The following ATXN1 variants were observed in gnomAD, a reference collection of about 807,000 sequenced individuals.
ATXN1 encodes ataxin-1.
ATXN1 carries 8 observed loss-of-function variants against 56.4 expected under a neutral mutation model. That is an observed-to-expected ratio of 0.14 (90% CI 0.08 to 0.26). ATXN1 has a LOEUF of 0.26. ATXN1 is among the 10% of genes least tolerant of loss of function. The probability of loss-of-function intolerance (pLI) is 1.00; values close to 1 mark genes in which losing one functional copy is unlikely to be tolerated. For synonymous variants in ATXN1, 514 were observed against 494.6 expected (o/e 1.04, Z -0.52); for missense variants, 987 against 1,106.5 (o/e 0.89, Z 1.53).
intron 6 of ATXN1, among the ~76,000 whole-genome samples, chr6:16,414,209 C>T (rs1355668421): frequency 1.3e-5 from 2 of 152,224 alleles, no homozygotes; most frequent in Non-Finnish European, 1.5e-5. Context: ...CGGATTTCTG[C>T]TCTTCCCTAT....
intron 6 of ATXN1, among the ~76,000 whole-genome samples, chr6:16,447,134 G>C (rs1759652300): frequency 6.6e-6 from 1 of 152,092 alleles, no homozygotes; most frequent in Non-Finnish European, 1.5e-5. Flanking sequence ...CAGTTTCCCT[G>C]GAAAGTAAAT....
chr6:16,566,576 G>A lies in ATXN1; in HGVS notation c.-361+19204C>T, dbSNP rs749208075. Among the ~76,000 whole-genome samples, 60 of 152,160 alleles carry A rather than the reference G, an allele frequency of 3.9e-4. No individual in the cohort carries two copies. The Middle Eastern group carries it at 0.01, about 26-fold the overall frequency. ...AAACAAACAAACAAACAAACAGGCT[G>A]GGCGCGGTGGCTCACGACTGTAATC... On this transcript the variant is annotated intron_variant, in intron 4 of 7. Coordinates refer to ENST00000436367, the MANE Select transcript of ATXN1 (RefSeq NM_001128164.2).
intron 3 of ATXN1, among the ~76,000 whole-genome samples, chr6:16,589,023 C>T (rs370098867): frequency 6.6e-6 from 1 of 152,086 alleles, no homozygotes; most frequent in African/African-American, 2.4e-5. Context: ...CCCTGTAGCT[C>T]CCTGACCCCA....
chr6:16,752,195 G>A (rs1248350259), intron 2 of ATXN1, among the ~76,000 whole-genome samples: 1 of 152,134 alleles, frequency 6.6e-6, no homozygotes, highest in African/African-American at 2.4e-5. Context: ...TCTACCTCTT[G>A]AAAAATGAGT....
intron 4 of ATXN1, among the ~76,000 whole-genome samples, chr6:16,538,363 CCAACATACAAAGAGCTGACTGTTATT>C (rs1246884216): frequency 3.3e-5 from 5 of 152,128 alleles, no homozygotes; most frequent in African/African-American, 7.2e-5. Flanking sequence ...CTTTTATTGA[CCAACATACAAAGAGCTGACTGTTATT>C]CAATGATTCC....
intron 2 of ATXN1, among the ~76,000 whole-genome samples, chr6:16,701,387 G>A (rs959322249): frequency 2.6e-5 from 4 of 152,146 alleles, no homozygotes; most frequent in Non-Finnish European, 5.9e-5. Flanking sequence ...GCAGAGAAGG[G>A]GAGAAGGAGT....
At chr6:16,552,507 T>C (rs1047519659) in intron 4 of ATXN1, among the ~76,000 whole-genome samples, 2 of 152,218 alleles carry the variant, frequency 1.3e-5, no homozygotes, top group African/African-American at 2.4e-5. Flanking sequence ...TTGAATAAGG[T>C]GTAATTTATC....
intron 4 of ATXN1, among the ~76,000 whole-genome samples, chr6:16,584,247 C>T (rs199857108): frequency 0.38 from 33,991 of 90,236 alleles, 6,547 homozygotes; most frequent in East Asian, 0.56. Flanking sequence ...TATATATACA[C>T]ACACACACAC....
intron 2 of ATXN1, among the ~76,000 whole-genome samples, chr6:16,752,063 T>C (rs899701969): frequency 7.2e-5 from 11 of 152,232 alleles, no homozygotes; most frequent in Admixed American, 3.9e-4. Context: ...TGCTCTTATC[T>C]AAGATGCCAG....
chr6:16,429,113 C>T (rs1283505636), intron 6 of ATXN1, among the ~76,000 whole-genome samples: 1 of 151,988 alleles, frequency 6.6e-6, no homozygotes, highest in African/African-American at 2.4e-5. Flanking sequence ...CTGTTCCCTC[C>T]TCACTAGGTG....
At chr6:16,368,343 C>CTTCTTTTTTTTTTTTTTTTTTTTT (rs1354007963) in intron 6 of ATXN1, among the ~76,000 whole-genome samples, 2 of 75,872 alleles carry the variant, frequency 2.6e-5, no homozygotes, top group African/African-American at 7.7e-5. Flanking sequence ...ACTTCTTCTT[C>CTTCTTTTTTTTTTTTTTTTTTTTT]TTTTTTTTTT....
chr6:16,368,343 CTTTTTTTT>C (rs10527935), intron 6 of ATXN1, among the ~76,000 whole-genome samples: 1 of 75,870 alleles, frequency 1.3e-5, no homozygotes, highest in Non-Finnish European at 2.8e-5. Flanking sequence ...ACTTCTTCTT[CTTTTTTTT>C]TTTTTTTTTT....
intron 7 of ATXN1, among the ~76,000 whole-genome samples, chr6:16,319,793 A>T (rs758324022): frequency 1.3e-5 from 2 of 152,164 alleles, no homozygotes; most frequent in Non-Finnish European, 2.9e-5. Flanking sequence ...GAATCAAAAC[A>T]TATAAGATGA....
intron 2 of ATXN1, among the ~76,000 whole-genome samples, chr6:16,693,679 TG>T (rs929196148): frequency 2.0e-5 from 3 of 152,234 alleles, no homozygotes; most frequent in African/African-American, 7.2e-5. Context: ...ATGCTCATCA[TG>T]GCCCTAAAGC....
chr6:16,511,852 C>T (rs372982094), intron 5 of ATXN1, among the ~76,000 whole-genome samples: 3 of 152,264 alleles, frequency 2.0e-5, no homozygotes, highest in South Asian at 2.1e-4. Flanking sequence ...GGAGAATGAG[C>T]GGGAAGTGAT....
chr6:16,730,032 C>T (rs1350975201), intron 2 of ATXN1, among the ~76,000 whole-genome samples: 2 of 152,352 alleles, frequency 1.3e-5, no homozygotes, highest in African/African-American at 4.8e-5. Flanking sequence ...CCTGTAATCC[C>T]AGCAATTTGG....
At chr6:16,418,717 C>T (rs1319389804) in intron 6 of ATXN1, among the ~76,000 whole-genome samples, 1 of 105,478 alleles carries the variant, frequency 9.5e-6, no homozygotes, top group African/African-American at 3.6e-5. Flanking sequence ...CCTCCCCCCT[C>T]CCCCCACCCC....
At chr6:16,610,832 G>A (rs747246785) in intron 3 of ATXN1, among the ~76,000 whole-genome samples, 2 of 150,306 alleles carry the variant, frequency 1.3e-5, no homozygotes, top group Admixed American at 6.7e-5. Context: ...AAAACCACCC[G>A]GGACAACACA....
At chr6:16,564,148 C>A (rs1762171455) in intron 4 of ATXN1, among the ~76,000 whole-genome samples, 2 of 152,166 alleles carry the variant, frequency 1.3e-5, no homozygotes, top group Non-Finnish European at 2.9e-5. Flanking sequence ...AACATTGTAA[C>A]ACATACATGA....
Sources: gnomAD v4.1 joint callset for allele counts (sites outside exome capture counted in the v4.1 genomes callset) on GRCh38, gnomAD v4.1.1 for gene constraint, MANE v1.5 for transcripts, NCBI Gene and HGNC (gene_info 2026-07-23, HGNC 2026-07-21) for gene names.